THSD7A: variants seen among roughly 807,000 people sequenced by gnomAD.
The protein encoded by THSD7A is thrombospondin type 1 domain containing 7A, also known as thrombospondin type-1 domain-containing protein 7A.
THSD7A carries 96 observed loss-of-function variants against 231.3 expected under a neutral mutation model. That is an observed-to-expected ratio of 0.41 (90% CI 0.35 to 0.49). The LOEUF is 0.49. Among genes scored for constraint, THSD7A ranks in the 20% least tolerant of loss-of-function variants. The pLI is 0.05. For missense variants in THSD7A, 2,290 were observed against 2,070.2 expected (o/e 1.11, Z -2.06); for synonymous variants, 940 against 743.3 (o/e 1.26, Z -4.30).
chr7:11,755,740 T>C (rs1271822593), intron 1 of THSD7A, among the ~76,000 whole-genome samples: 5 of 152,152 alleles, frequency 3.3e-5, no homozygotes, highest in Middle Eastern at 3.4e-3. Flanking sequence ...AGGGGAAGGG[T>C]TGTTCATTTT....
chr7:11,423,591 A>G (rs960394781), intron 16 of THSD7A, among the ~76,000 whole-genome samples: 2 of 151,784 alleles, frequency 1.3e-5, no homozygotes, highest in Non-Finnish European at 2.9e-5. Context: ...GGATGGTCTC[A>G]ATCTCCTGAC....
At chr7:11,498,382 A>G (rs12668985) in intron 6 of THSD7A, among the ~76,000 whole-genome samples, 111,500 of 152,036 alleles carry the variant, frequency 0.73, 40,922 homozygotes, top group South Asian at 0.83. Context: ...GCTGCTTTAA[A>G]CAGGAGCTCA....
Position 11,700,314 on chromosome 7 carries a change from G to C in THSD7A, c.191-63353C>G, listed in dbSNP as rs183196218. Among the ~76,000 whole-genome samples the C allele has an allele frequency of 3.1e-3, 465 of 151,230 alleles. 5 individuals are homozygous for C. The highest frequency in any genetic ancestry group is 3.4e-3 in the Non-Finnish European group (226 of 67,438). On this transcript the variant is annotated intron_variant, in intron 1 of 27. Coordinates refer to ENST00000423059, the MANE Select transcript of THSD7A (RefSeq NM_015204.3). ...TCTACAATAATAGTACAATAACGTA[G>C]TTAAGGGCACTCATCTCAAATACAT...
chr7:11,689,572 T>C (rs1248560719), intron 1 of THSD7A, among the ~76,000 whole-genome samples: 3 of 151,720 alleles, frequency 2.0e-5, no homozygotes, highest in African/African-American at 7.2e-5. Context: ...TGTTATCCCC[T>C]TGAGAGCCAC....
intron 1 of THSD7A, among the ~76,000 whole-genome samples, chr7:11,818,091 C>A (rs1370805113): frequency 6.6e-6 from 1 of 152,108 alleles, no homozygotes; most frequent in East Asian, 1.9e-4. Flanking sequence ...ATCAAATAGT[C>A]ACCATTTGTG....
At chr7:11,539,419 A>G (rs554459380) in intron 6 of THSD7A, among the ~76,000 whole-genome samples, 235 of 152,362 alleles carry the variant, frequency 1.5e-3, no homozygotes, top group Non-Finnish European at 2.7e-3. Flanking sequence ...GTAAAGGACA[A>G]TAACAAATTT....
At chr7:11,794,628 T>C (rs1784065196) in intron 1 of THSD7A, among the ~76,000 whole-genome samples, 1 of 151,988 alleles carries the variant, frequency 6.6e-6, no homozygotes, top group Non-Finnish European at 1.5e-5. Flanking sequence ...TTAAGCTTGC[T>C]TAATTTTCCA....
At chr7:11,781,933 G>T (rs940021603) in intron 1 of THSD7A, among the ~76,000 whole-genome samples, 2 of 152,012 alleles carry the variant, frequency 1.3e-5, no homozygotes, top group African/African-American at 4.8e-5. Context: ...CTTTATTTCA[G>T]GAGTCTTTCC....
intron 6 of THSD7A, among the ~76,000 whole-genome samples, chr7:11,523,944 T>C (rs1418432568): frequency 1.3e-5 from 2 of 152,152 alleles, no homozygotes; most frequent in South Asian, 2.1e-4. Context: ...AGACATGGTA[T>C]AGATTATTAT....
chr7:11,511,646 T>C (rs927229791), intron 6 of THSD7A, among the ~76,000 whole-genome samples: 1 of 152,192 alleles, frequency 6.6e-6, no homozygotes, highest in Non-Finnish European at 1.5e-5. Flanking sequence ...TACAACTATC[T>C]GATCTTTGAC....
chr7:11,532,158 G>C (rs1356259088), intron 6 of THSD7A, among the ~76,000 whole-genome samples: 2 of 151,792 alleles, frequency 1.3e-5, no homozygotes, highest in East Asian at 1.9e-4. Flanking sequence ...ATAAAATGAG[G>C]CACCTTCATT....
chr7:11,477,627 G>A (rs1334688305), intron 7 of THSD7A, among the ~76,000 whole-genome samples: 2 of 152,074 alleles, frequency 1.3e-5, no homozygotes, highest in East Asian at 1.9e-4. Context: ...TTGCAAATGT[G>A]GTCAGTGGGA....
intron 1 of THSD7A, among the ~76,000 whole-genome samples, chr7:11,723,545 A>C (rs1781435704): frequency 6.6e-6 from 1 of 151,944 alleles, no homozygotes; most frequent in Non-Finnish European, 1.5e-5. Flanking sequence ...ATAAGTACTA[A>C]GAAAAACAAG....
At chr7:11,429,248 G>T in intron 13 of THSD7A, 123 bp from the exon 14 acceptor site, 2 of 890,736 alleles carry the variant, frequency 2.2e-6, no homozygotes, top group Non-Finnish European at 1.6e-6. Context: ...AAATGCAGAG[G>T]TGTCTCTGTT....
At chr7:11,463,950 G>A (rs1785600316) in intron 9 of THSD7A, among the ~76,000 whole-genome samples, 2 of 152,044 alleles carry the variant, frequency 1.3e-5, no homozygotes, top group South Asian at 4.2e-4. Flanking sequence ...AATCTGTAAA[G>A]AATCCATTGT....
intron 1 of THSD7A, among the ~76,000 whole-genome samples, chr7:11,785,536 T>C (rs1334189210): frequency 1.3e-5 from 2 of 152,178 alleles, no homozygotes; most frequent in African/African-American, 4.8e-5. Flanking sequence ...GTGTGAAATA[T>C]TTCAGTTCAT....
chr7:11,745,809 T>C (rs922444315), intron 1 of THSD7A, among the ~76,000 whole-genome samples: 3 of 152,140 alleles, frequency 2.0e-5, no homozygotes, highest in African/African-American at 7.2e-5. Flanking sequence ...TCTATATCTC[T>C]GTTTTGGTAC....
intron 1 of THSD7A, among the ~76,000 whole-genome samples, chr7:11,789,281 C>G (rs1398891402): frequency 6.6e-6 from 1 of 151,930 alleles, no homozygotes; most frequent in Non-Finnish European, 1.5e-5. Flanking sequence ...TCATGTAGGC[C>G]GTTGCTGGTA....
At chr7:11,760,190 C>A (rs756574003) in intron 1 of THSD7A, among the ~76,000 whole-genome samples, 1 of 151,874 alleles carries the variant, frequency 6.6e-6, no homozygotes, top group Non-Finnish European at 1.5e-5. Flanking sequence ...AAATGAACTT[C>A]CAAACTGGAA....
Sources: gnomAD v4.1 joint callset for allele counts (sites outside exome capture counted in the v4.1 genomes callset) on GRCh38, gnomAD v4.1.1 for gene constraint, MANE v1.5 for transcripts, NCBI Gene and HGNC (gene_info 2026-07-23, HGNC 2026-07-21) for gene names.